Variants in ARHGAP5 observed in about 807,000 individuals in gnomAD.
ARHGAP5 encodes the protein Rho GTPase activating protein 5.
Under a neutral mutation model 116.6 loss-of-function variants are expected in ARHGAP5, and 23 were observed. The ratio of observed to expected loss-of-function variants is 0.20; its 90% confidence interval spans 0.14 to 0.28. The LOEUF (loss-of-function observed/expected upper bound fraction) is 0.28. Ranked by LOEUF, ARHGAP5 falls within the 10% of genes least tolerant of loss-of-function variation. The pLI is 1.00. For missense variants in ARHGAP5, 1,405 were observed against 1,774.8 expected (o/e 0.79, Z 3.74); for synonymous variants, 574 against 602.0 (o/e 0.95, Z 0.68).
intron 3 of ARHGAP5, among the ~76,000 whole-genome samples, chr14:32,124,960 A>G (rs940491056): frequency 2.0e-5 from 3 of 152,222 alleles, no homozygotes; most frequent in African/African-American, 7.2e-5. Context: ...AAGAAGCATG[A>G]TTATCAACAT....
chr14:32,097,218 G>A (rs549365615), intron 2 of ARHGAP5, among the ~76,000 whole-genome samples: 2 of 152,248 alleles, frequency 1.3e-5, no homozygotes, highest in Admixed American at 6.5e-5. Context: ...TATTCCAAGG[G>A]TTTTAAATAA....
At chr14:32,141,151 A>G (rs951780546) in intron 3 of ARHGAP5, among the ~76,000 whole-genome samples, 1 of 152,168 alleles carries the variant, frequency 6.6e-6, no homozygotes, top group Non-Finnish European at 1.5e-5. Flanking sequence ...ATTACTATTT[A>G]TATGGAATGT....
intron 1 of ARHGAP5, among the ~76,000 whole-genome samples, chr14:32,077,913 T>TA (rs2041726791): frequency 6.6e-6 from 1 of 152,130 alleles, no homozygotes; most frequent in African/African-American, 2.4e-5. Context: ...GTTGCAAACT[T>TA]AAACGCCTTG....
intron 2 of ARHGAP5, among the ~76,000 whole-genome samples, chr14:32,094,625 T>A (rs946074177): frequency 5.9e-5 from 9 of 152,186 alleles, no homozygotes; most frequent in Non-Finnish European, 8.8e-5. Context: ...GTGTTTTTTC[T>A]TTTTACAGAA....
chr14:32,120,667 C>T (rs112268640), intron 3 of ARHGAP5, among the ~76,000 whole-genome samples: 3 of 148,934 alleles, frequency 2.0e-5, no homozygotes, highest in African/African-American at 7.4e-5. Context: ...TGGTGGTTTT[C>T]CACATCTTTT....
chr14:32,118,509 A>G (rs1457678093), intron 3 of ARHGAP5, among the ~76,000 whole-genome samples: 1 of 151,706 alleles, frequency 6.6e-6, no homozygotes. Context: ...AAAAAAAAAG[A>G]AAGAAGAAAT....
chr14:32,135,950 G>A (rs1880767345), intron 3 of ARHGAP5, among the ~76,000 whole-genome samples: 1 of 152,168 alleles, frequency 6.6e-6, no homozygotes, highest in Non-Finnish European at 1.5e-5. Context: ...GCATTGTGCA[G>A]TTTTCTTGAA....
chr14:32,105,622 T>G (rs564954543), intron 2 of ARHGAP5, among the ~76,000 whole-genome samples: 5 of 152,274 alleles, frequency 3.3e-5, no homozygotes, highest in African/African-American at 1.2e-4. Context: ...ATTTCCCCAG[T>G]TTTACTTGTA....
At chr14:32,138,549 G>T in intron 3 of ARHGAP5, among the ~76,000 whole-genome samples, 1 of 152,214 alleles carries the variant, frequency 6.6e-6, no homozygotes, top group Non-Finnish European at 1.5e-5. Context: ...CTCCCAAAGT[G>T]CTGGGATTAC....
chr14:32,129,800 CTTGGCAAAACCTCAACT>C (rs769963672), intron 3 of ARHGAP5, among the ~76,000 whole-genome samples: 29 of 152,242 alleles, frequency 1.9e-4, no homozygotes, highest in Non-Finnish European at 2.4e-4. Context: ...ATTTTATTCA[CTTGGCAAAACCTCAACT>C]TTGGTTAAAC....
chr14:32,089,998 T>A (rs2041868992), intron 1 of ARHGAP5, among the ~76,000 whole-genome samples: 1 of 151,924 alleles, frequency 6.6e-6, no homozygotes, highest in South Asian at 2.1e-4. Flanking sequence ...TTGCAAAAAA[T>A]TTGTATATTC....
chr14:32,153,406 CAAAAAAAAAAAAAAAAAAAA>C (rs771660350), intron 6 of ARHGAP5, among the ~76,000 whole-genome samples: 106 of 15,160 alleles, frequency 7.0e-3, no homozygotes, highest in East Asian at 0.024. Context: ...GACTCTGTCT[CAAAAAAAAAAAAAAAAAAAA>C]AAAAAAAAAA....
At chr14:32,145,217 G>A (rs1157429293) in intron 3 of ARHGAP5, among the ~76,000 whole-genome samples, 1 of 152,116 alleles carries the variant, frequency 6.6e-6, no homozygotes, top group Non-Finnish European at 1.5e-5. Context: ...CCTAGGATTG[G>A]TGGTGGAAGT....
chr14:32,086,821 T>C (rs2041834224), intron 1 of ARHGAP5, among the ~76,000 whole-genome samples: 1 of 151,272 alleles, frequency 6.6e-6, no homozygotes, highest in Non-Finnish European at 1.5e-5. Context: ...TATAAGGATA[T>C]AGATAATTTC....
intron 1 of ARHGAP5, among the ~76,000 whole-genome samples, chr14:32,085,894 C>T (rs1236186686): frequency 6.6e-6 from 1 of 152,034 alleles, no homozygotes; most frequent in Non-Finnish European, 1.5e-5. Context: ...TGGCTAAGTA[C>T]ATTATTATAG....
chr14:32,126,274 T>C (rs1248677411), intron 3 of ARHGAP5, among the ~76,000 whole-genome samples: 1 of 152,160 alleles, frequency 6.6e-6, no homozygotes, highest in East Asian at 1.9e-4. Context: ...TTCTGAACGC[T>C]AGAAGTCTGA....
intron 3 of ARHGAP5, among the ~76,000 whole-genome samples, chr14:32,139,159 A>G (rs1218176917): frequency 6.6e-6 from 1 of 152,182 alleles, no homozygotes; most frequent in Non-Finnish European, 1.5e-5. Context: ...AAAAATCTGT[A>G]TATGTAAGGG....
chr14:32,159,310 T>C lies in ARHGAP5; in HGVS notation c.*4362T>C, dbSNP rs1882018380. ...ACTTGTTTATTCTCACAATTCAGAT[T>C]TTCTATTCAGTTTTGTCTCAAATAG... is the stretch of plus-strand genomic sequence containing the variant. On this transcript the variant is annotated 3_prime_UTR_variant, in exon 7 of 7. Transcript: ENST00000345122. The C allele has an allele frequency of 6.6e-6, 1 of 152,164 alleles. No individual in the cohort carries two copies. Among genetic ancestry groups the C allele is most frequent in the Non-Finnish European group, 1.5e-5 (1 of 68,004 alleles). The allele number at this position is 152,164 out of a possible 1,614,324, so 9.4% of individuals were successfully genotyped here.
intron 3 of ARHGAP5, among the ~76,000 whole-genome samples, chr14:32,139,404 G>T (rs1181437624): frequency 6.6e-6 from 1 of 151,944 alleles, no homozygotes; most frequent in Non-Finnish European, 1.5e-5. Flanking sequence ...TAGAGCTGTT[G>T]AGATTTTCTG....
Sources: gnomAD v4.1 joint callset for allele counts (sites outside exome capture counted in the v4.1 genomes callset) on GRCh38, gnomAD v4.1.1 for gene constraint, MANE v1.5 for transcripts, NCBI Gene and HGNC (gene_info 2026-07-23, HGNC 2026-07-21) for gene names.